The following GPATCH2 variants were observed in gnomAD, a reference collection of about 807,000 sequenced individuals.
GPATCH2 encodes G patch domain-containing protein 2.
In GPATCH2, 51 loss-of-function variants were observed where a neutral mutation model predicts 58.0. The ratio of observed to expected loss-of-function variants is 0.88; its 90% confidence interval spans 0.70 to 1.11. GPATCH2 has a LOEUF of 1.11. Among genes scored for constraint, GPATCH2 ranks in the 50% most tolerant of loss-of-function variants. The probability of loss-of-function intolerance (pLI) is 0.00; values close to 1 mark genes in which losing one functional copy is unlikely to be tolerated. For missense variants in GPATCH2, 625 were observed against 652.2 expected, an observed-to-expected ratio of 0.96 and a Z score of 0.45; for synonymous variants, 222 against 218.5, an observed-to-expected ratio of 1.02 and a Z score of -0.14.
chr1:217,498,016 CA>C (rs1472751188), intron 7 of GPATCH2, among the ~76,000 whole-genome samples: 4 of 152,100 alleles, frequency 2.6e-5, no homozygotes, highest in Non-Finnish European at 4.4e-5. Context: ...AGATTTAATA[CA>C]AATTAATTTT....
chr1:217,604,162 C>A (rs1668245994), intron 5 of GPATCH2, among the ~76,000 whole-genome samples: 1 of 151,632 alleles, frequency 6.6e-6, no homozygotes, highest in African/African-American at 2.4e-5. Flanking sequence ...ATCAGCCTGG[C>A]CAACATGGTG....
At chr1:217,485,631 C>G (rs1363809983) in intron 8 of GPATCH2, among the ~76,000 whole-genome samples, 3 of 152,032 alleles carry the variant, frequency 2.0e-5, no homozygotes, top group Non-Finnish European at 4.4e-5. Context: ...GTTTTTCTAT[C>G]TTCATATAAA....
At chr1:217,508,204 C>T (rs958600157) in intron 6 of GPATCH2, among the ~76,000 whole-genome samples, 17 of 152,066 alleles carry the variant, frequency 1.1e-4, no homozygotes, top group African/African-American at 3.6e-4. Context: ...TCTTATTTAT[C>T]TCAGTCTAGA....
intron 5 of GPATCH2, among the ~76,000 whole-genome samples, chr1:217,605,508 C>T (rs899645705): frequency 3.9e-5 from 6 of 152,164 alleles, no homozygotes; most frequent in African/African-American, 1.4e-4. Context: ...AATTATAAAG[C>T]TTTTCAACAA....
chr1:217,470,897 T>C (rs949393566), intron 8 of GPATCH2, among the ~76,000 whole-genome samples: 1 of 152,006 alleles, frequency 6.6e-6, no homozygotes, highest in African/African-American at 2.4e-5. Context: ...AAAGCAAATA[T>C]ATGAATACTT....
At chr1:217,484,556 TTATATATA>T (rs60742327) in intron 8 of GPATCH2, among the ~76,000 whole-genome samples, 5 of 143,180 alleles carry the variant, frequency 3.5e-5, no homozygotes, top group South Asian at 4.3e-4. Flanking sequence ...ATATAATTAT[TTATATATA>T]TATATATATA....
chr1:217,614,979 A>G (rs144754921), intron 2 of GPATCH2, among the ~76,000 whole-genome samples: 11 of 152,148 alleles, frequency 7.2e-5, no homozygotes, highest in African/African-American at 2.4e-4. Flanking sequence ...GTCATATAAT[A>G]TAATGAGAGG....
chr1:217,557,080 T>G (rs111353902), intron 5 of GPATCH2, among the ~76,000 whole-genome samples: 6,109 of 152,196 alleles, frequency 0.04, 133 homozygotes, highest in South Asian at 0.042. Flanking sequence ...GCTCGGTATG[T>G]GTGTGCTGTT....
chr1:217,508,494 C>T (rs1662673033), intron 6 of GPATCH2, among the ~76,000 whole-genome samples: 1 of 151,976 alleles, frequency 6.6e-6, no homozygotes, highest in South Asian at 2.1e-4. Flanking sequence ...ATATCAATTG[C>T]ACAATCGATT....
At chr1:217,543,327 T>TGGCGCA (rs1664851719) in intron 5 of GPATCH2, among the ~76,000 whole-genome samples, 1 of 146,424 alleles carries the variant, frequency 6.8e-6, no homozygotes, top group Non-Finnish European at 1.5e-5. Context: ...TGGAGTGCAG[T>TGGCGCA]GGCGCAATCT....
intron 5 of GPATCH2, among the ~76,000 whole-genome samples, chr1:217,606,880 C>T (rs1400400735): frequency 2.0e-5 from 3 of 152,036 alleles, no homozygotes; most frequent in Non-Finnish European, 4.4e-5. Context: ...ATATTATGCA[C>T]CAGAGATGGT....
chr1:217,546,690 G>T (rs949489492), intron 5 of GPATCH2, among the ~76,000 whole-genome samples: 13 of 152,176 alleles, frequency 8.5e-5, no homozygotes, highest in African/African-American at 3.1e-4. Flanking sequence ...ACATAGCCAT[G>T]GGCAGACTTC....
intron 5 of GPATCH2, among the ~76,000 whole-genome samples, chr1:217,600,703 T>A (rs1668066739): frequency 6.6e-6 from 1 of 152,128 alleles, no homozygotes; most frequent in African/African-American, 2.4e-5. Context: ...ACTATGGCAA[T>A]GTCATCACCA....
intron 5 of GPATCH2, among the ~76,000 whole-genome samples, chr1:217,549,343 T>C (rs904104073): frequency 2.6e-5 from 4 of 152,212 alleles, no homozygotes; most frequent in East Asian, 3.9e-4. Context: ...TCATGTTCCA[T>C]ATATCTGTTA....
chr1:217,454,822 G>A (rs1001567931), intron 8 of GPATCH2, among the ~76,000 whole-genome samples: 8 of 151,228 alleles, frequency 5.3e-5, no homozygotes, highest in African/African-American at 1.9e-4. Context: ...TACTAGAGAC[G>A]GGGGTTTCAC....
chr1:217,530,576 C>T (rs1311337636), intron 5 of GPATCH2, among the ~76,000 whole-genome samples: 1 of 152,140 alleles, frequency 6.6e-6, no homozygotes. Context: ...ACAGAAAAAT[C>T]ATGCCATCAA....
chr1:217,630,598 GATA>G (rs1669704567), intron 1 of GPATCH2, among the ~76,000 whole-genome samples: 1 of 152,192 alleles, frequency 6.6e-6, no homozygotes, highest in African/African-American at 2.4e-5. Flanking sequence ...CCCGGATTAA[GATA>G]AATTCTTCCT....
chr1:217,629,107 T>C (rs1215497599), intron 1 of GPATCH2, among the ~76,000 whole-genome samples: 1 of 152,142 alleles, frequency 6.6e-6, no homozygotes, highest in Non-Finnish European at 1.5e-5. Flanking sequence ...TTAGTAGCAG[T>C]ATTCCCAGTG....
chr1:217,600,115 T>C (rs560112582), intron 5 of GPATCH2, among the ~76,000 whole-genome samples: 10 of 152,260 alleles, frequency 6.6e-5, no homozygotes, highest in African/African-American at 2.4e-4. Context: ...GAGATTTAAA[T>C]ATGAAGTTCT....
Sources: allele counts gnomAD v4.1 joint callset (sites outside exome capture counted in the v4.1 genomes callset), GRCh38; gene constraint gnomAD v4.1.1; transcripts MANE v1.5; gene names NCBI Gene and HGNC (gene_info 2026-07-23, HGNC 2026-07-21).